GPAM: variants seen among roughly 807,000 people sequenced by gnomAD.
GPAM encodes the protein glycerol-3-phosphate acyltransferase 1, mitochondrial.
A neutral mutation model predicts 105.0 loss-of-function variants in GPAM; 56 were observed. The ratio of observed to expected loss-of-function variants is 0.53; its 90% confidence interval spans 0.43 to 0.67. The LOEUF (loss-of-function observed/expected upper bound fraction) is 0.67, where lower values mean the gene tolerates loss of function less well. Among genes scored for constraint, GPAM ranks in the 30% least tolerant of loss-of-function variants. GPAM has a pLI of 0.00. For synonymous variants in GPAM, 368 were observed against 354.4 expected, an observed-to-expected ratio of 1.04 and a Z score of -0.43; for missense variants, 855 against 989.8, an observed-to-expected ratio of 0.86 and a Z score of 1.83.
chr10:112,172,064 A>G, intron 9 of GPAM, 118 bp downstream of exon 9: 1 of 783,518 alleles, frequency 1.3e-6, no homozygotes, highest in Non-Finnish European at 2.1e-6. Context: ...CTTTTATAAT[A>G]AAAGAAAAAA....
In GPAM at chr10:112,153,226, A is replaced by G. The variant is rs1407580091; in HGVS notation, c.*324T>C. 1 of 1,172,226 alleles carries G rather than the reference A, an allele frequency of 8.5e-7. No homozygotes were observed. Among genetic ancestry groups the G allele is most frequent in the African/African-American group, 1.6e-5 (1 of 63,166 alleles). 72.6% of individuals were successfully genotyped at this position (1,172,226 alleles called of 1,614,324 possible). A position where few individuals can be genotyped will look rare whatever the true frequency, so the allele number is the denominator to read the frequency against. On this transcript the variant is annotated 3_prime_UTR_variant, in exon 22 of 22. Coordinates refer to ENST00000348367, the MANE Select transcript of GPAM (RefSeq NM_001244949.2). ...CTACATTTCTGTGTCCATCACAGTA[A>G]TTAGTCCTTAAAAGTTGTACTTAAA...
chr10:112,198,555 T>C (rs1415902438), intron 1 of GPAM, among the ~76,000 whole-genome samples: 1 of 152,210 alleles, frequency 6.6e-6, no homozygotes, highest in Non-Finnish European at 1.5e-5. Context: ...AGGTCATCCA[T>C]GGACCCCAGA....
chr10:112,160,190 A>C, intron 16 of GPAM, 137 bp from the exon 17 acceptor site: 1 of 965,698 alleles, frequency 1.0e-6, no homozygotes, highest in Non-Finnish European at 1.6e-6. Flanking sequence ...AGTAAATCCC[A>C]TAAGACTAAA....
rs1002368709 is a variant in GPAM at position 112,161,512 on chromosome 10, A to AG, written c.1494+154_1494+155insC. Among the ~76,000 whole-genome samples the AG allele has an allele frequency of 2.7e-4, 41 of 152,218 alleles. 1 individual carries two copies. Among genetic ancestry groups the AG allele is most frequent in the Non-Finnish European group, 1.8e-4 (12 of 68,050 alleles). ...TGTAGATTCTTCCTCCACCAAGTTGATAAGCTCCTTTGGGCAGGGTCCTCA... is the reference window on the plus strand; with the variant it reads ...TGTAGATTCTTCCTCCACCAAGTTGAGTAAGCTCCTTTGGGCAGGGTCCTCA... On this transcript the variant is annotated intron_variant, in intron 15 of 21. Coordinates refer to ENST00000348367, the MANE Select transcript of GPAM (RefSeq NM_001244949.2).
chr10:112,227,291 G>A, the GPAM span, among the ~76,000 whole-genome samples: 1 of 152,302 alleles, frequency 6.6e-6, no homozygotes, highest in East Asian at 1.9e-4. Context: ...CACAAAGGAG[G>A]GTCCATTACA....
chr10:112,160,445 G>A (rs1847101352), intron 16 of GPAM, 159 bp downstream of exon 16: 1 of 691,988 alleles, frequency 1.4e-6, no homozygotes, highest in African/African-American at 1.9e-5. Flanking sequence ...TGTAAACAGT[G>A]ATATAACAGG....
intron 15 of GPAM, 71 bp downstream of exon 15, chr10:112,161,596 G>A (rs2250802): frequency 0.73 from 916,042 of 1,248,562 alleles, 339,014 homozygotes; most frequent in African/African-American, 0.94. Context: ...CTGCCCCTGA[G>A]TATGTATCTG....
chr10:112,191,189 G>A (rs986491544), intron 1 of GPAM, among the ~76,000 whole-genome samples: 2 of 152,148 alleles, frequency 1.3e-5, no homozygotes, highest in Non-Finnish European at 1.5e-5. Flanking sequence ...GGTCCAACTC[G>A]GACAGCCTAG....
At chr10:112,171,812 T>C (rs988848819) in intron 9 of GPAM, among the ~76,000 whole-genome samples, 1 of 152,230 alleles carries the variant, frequency 6.6e-6, no homozygotes, top group African/African-American at 2.4e-5. Context: ...GTTGTCTTTA[T>C]ATCACTAACC....
At chr10:112,188,528 G>A (rs1847620852), upstream of GPAM, among the ~76,000 whole-genome samples, 1 of 152,106 alleles carries the variant, frequency 6.6e-6, no homozygotes, top group Non-Finnish European at 1.5e-5. Flanking sequence ...TTCCCTCTCT[G>A]TTTCCCTCTC....
Position 112,152,238 on chromosome 10 carries a change from G to A in GPAM, c.*1312C>T, listed in dbSNP as rs890623685. On this transcript the variant is annotated 3_prime_UTR_variant, in exon 22 of 22. Coordinates refer to ENST00000348367, the MANE Select transcript of GPAM (RefSeq NM_001244949.2). ...AAGCAACAGTAAACTGTTAGAAAACGTTTTAACATTACATGATATTTAAAA... is the reference window on the plus strand; with the variant it reads ...AAGCAACAGTAAACTGTTAGAAAACATTTTAACATTACATGATATTTAAAA... 1.5e-4 allele frequency: 146 copies of A among 976,174 alleles called. No homozygotes were observed. The highest frequency in any genetic ancestry group is 4.9e-4 in the Admixed American group (8 of 16,246). The allele number at this position is 976,174 out of a possible 1,614,324, so 60.5% of individuals were successfully genotyped here. A position where few individuals can be genotyped will look rare whatever the true frequency, so the allele number is the denominator to read the frequency against.
At chr10:112,216,237 A>G (rs1338555120), upstream of GPAM, among the ~76,000 whole-genome samples, 4 of 152,238 alleles carry the variant, frequency 2.6e-5, no homozygotes, top group Non-Finnish European at 4.4e-5. Flanking sequence ...CTTATTAGGT[A>G]AATATGCATT....
At chr10:112,167,723 C>A (rs1393376139) in intron 11 of GPAM, among the ~76,000 whole-genome samples, 1 of 152,200 alleles carries the variant, frequency 6.6e-6, no homozygotes, top group African/African-American at 2.4e-5. Context: ...AGGAGAAGCA[C>A]AAGGAGGGTT....
chr10:112,175,181 C>T (rs186294968), intron 6 of GPAM, among the ~76,000 whole-genome samples: 2 of 152,280 alleles, frequency 1.3e-5, no homozygotes, highest in Admixed American at 1.3e-4. Flanking sequence ...CTAGCAATGA[C>T]TTTCCAGTAC....
chr10:112,221,515 G>A, the GPAM span, among the ~76,000 whole-genome samples: 1 of 152,208 alleles, frequency 6.6e-6, no homozygotes, highest in Non-Finnish European at 1.5e-5. Context: ...GAATGCCCAA[G>A]TAATTATGAT....
chr10:112,166,208 T>C lies in GPAM; in HGVS notation c.1221+194A>G, dbSNP rs145757639. ...GAGCCTGATATCTCCCAAAAACAGA[T>C]ACTCACTCTCCTTTGTCAATAGGCA... is the stretch of plus-strand genomic sequence containing the variant. On this transcript the variant is annotated intron_variant, in intron 12 of 21. Coordinates refer to ENST00000348367, the MANE Select transcript of GPAM (RefSeq NM_001244949.2). Among the ~76,000 whole-genome samples the C allele has an allele frequency of 3.9e-3, 592 of 152,262 alleles. 4 individuals are homozygous for C. The highest frequency in any genetic ancestry group is 0.014 in the African/African-American group (571 of 41,552).
chr10:112,181,613 G>A, intron 3 of GPAM, 70 bp downstream of exon 3: 1 of 846,150 alleles, frequency 1.2e-6, no homozygotes, highest in Non-Finnish European at 2.1e-6. Flanking sequence ...GCCAGTATTT[G>A]CACCTTCATA....
intron 9 of GPAM, among the ~76,000 whole-genome samples, chr10:112,169,359 T>C (rs973301115): frequency 5.3e-5 from 8 of 152,258 alleles, no homozygotes; most frequent in Middle Eastern, 3.2e-3. Context: ...AAAATGAATA[T>C]GATGTTTATT....
chr10:112,203,947 C>T (rs1322381833), intron 1 of GPAM, among the ~76,000 whole-genome samples: 1 of 152,162 alleles, frequency 6.6e-6, no homozygotes, highest in Non-Finnish European at 1.5e-5. Context: ...GAGGGTACAG[C>T]TTCAAACTCC....
Sources: allele counts gnomAD v4.1 joint callset (sites outside exome capture counted in the v4.1 genomes callset), GRCh38; gene constraint gnomAD v4.1.1; transcripts MANE v1.5; gene names NCBI Gene and HGNC (gene_info 2026-07-23, HGNC 2026-07-21).